The following KDM4A variants were observed in gnomAD, a reference collection of about 807,000 sequenced individuals.
KDM4A encodes the protein lysine demethylase 4A, also known as lysine-specific demethylase 4A.
Under a neutral mutation model 127.1 loss-of-function variants are expected in KDM4A, and 23 were observed. That is an observed-to-expected ratio of 0.18 (90% CI 0.13 to 0.26). The LOEUF is 0.26. Ranked by LOEUF, KDM4A falls within the 10% of genes least tolerant of loss-of-function variation. KDM4A has a pLI of 1.00. For synonymous variants in KDM4A, 443 were observed against 466.5 expected (o/e 0.95, Z 0.65); for missense variants, 890 against 1,329.1 (o/e 0.67, Z 5.14).
rs1453187297 is a variant in KDM4A, at chr1:43,671,710, T to A, written c.1569T>A (p.Ser523=). 1 of 1,613,610 alleles carries A rather than the reference T, an allele frequency of 6.2e-7. No individual in the cohort carries two copies. Among genetic ancestry groups the A allele is most frequent in the Non-Finnish European group, 8.5e-7 (1 of 1,179,842 alleles). Residue 523 remains serine (S), a synonymous_variant, in exon 11 of 22, where the codon TCT becomes TCA. Coordinates refer to ENST00000372396, the MANE Select transcript of KDM4A (RefSeq NM_014663.3). ...GSGSSRDSIS[S]DSETSEPLSC... is the part of the protein sequence containing the mutation. The stretch of plus-strand genomic sequence containing the variant: ...GCTCTTCACGGGATTCTATCTCTTC[T>A]GATTCAGAAACTAGTGAGCCTCTCT...
At chr1:43,670,852 T>A (rs1257918155) in intron 10 of KDM4A, among the ~76,000 whole-genome samples, 1 of 152,020 alleles carries the variant, frequency 6.6e-6, no homozygotes, top group African/African-American at 2.4e-5. Flanking sequence ...TGAGCCACCA[T>A]GCCTGGCCCA....
chr1:43,657,750 C>CT lies in KDM4A; in HGVS notation c.314+2002dup, dbSNP rs140666245. Among the ~76,000 whole-genome samples, 866 of 116,432 alleles carry CT rather than the reference C, an allele frequency of 7.4e-3. 14 individuals carry two copies. The highest frequency in any genetic ancestry group is 0.017 in the African/African-American group (453 of 26,714). 76.4% of individuals were successfully genotyped at this position (116,432 alleles called of 152,430 possible). ...CCTTTTTGTTAAGGCTTTTTCTTTT[C>CT]TTTTTTTTTTTTTTTTTTGAGATGG... On this transcript the variant is annotated intron_variant, in intron 3 of 21. Coordinates refer to ENST00000372396, the MANE Select transcript of KDM4A (RefSeq NM_014663.3).
intron 3 of KDM4A, among the ~76,000 whole-genome samples, chr1:43,657,976 T>C (rs1454322494): frequency 2.6e-5 from 4 of 151,338 alleles, no homozygotes; most frequent in Non-Finnish European, 4.4e-5. Context: ...CTTTTTCTTC[T>C]TTTAGCACAC....
chr1:43,704,037 C>T lies in KDM4A; in HGVS notation c.2979C>T (p.Gly993=). ...IQMYQVEFED[G]SQLVVKRDDV... Reference sequence around the variant, plus strand: ...CTTGGTAGGTGGAGTTTGAGGATGGCTCACAACTTGTGGTTAAGAGAGATG... The same window carrying T: ...CTTGGTAGGTGGAGTTTGAGGATGGTTCACAACTTGTGGTTAAGAGAGATG... The change falls in exon 21 of 22, where the codon GGC becomes GGT. Residue 993 remains glycine (G), a synonymous_variant. Coordinates refer to ENST00000372396, the MANE Select transcript of KDM4A (RefSeq NM_014663.3). The T allele has an allele frequency of 6.2e-7, 1 of 1,614,096 alleles. No individual in the cohort carries two copies. Among genetic ancestry groups the T allele is most frequent in the South Asian group, 1.1e-5 (1 of 91,080 alleles).
intron 1 of KDM4A, among the ~76,000 whole-genome samples, chr1:43,652,466 C>T (rs1660135655): frequency 6.6e-6 from 1 of 151,592 alleles, no homozygotes; most frequent in African/African-American, 2.4e-5. Context: ...TAAACAGAAC[C>T]TTTTCGATCT....
At position 43,694,169 on chromosome 1, in the gene KDM4A, C is replaced by G. The variant is rs939645910; in HGVS notation, c.2484+67C>G. On this transcript the variant is annotated intron_variant, in intron 17 of 21. Transcript: ENST00000372396. This position sits in a 1 kb window ranked among gnomAD's most constrained non-coding sequence, Gnocchi z 5.2. The stretch of plus-strand genomic sequence containing the variant: ...TTTCTGGGTAGAAGAGAACAGGGAC[C>G]TCCTGTACCCCTTGGTTTTGGTTAG... The G allele has an allele frequency of 2.1e-4, 265 of 1,234,476 alleles. No individual in the cohort carries two copies. The African/African-American group carries it at 3.8e-3, about 18-fold the overall frequency. The allele number at this position is 1,234,476 out of a possible 1,614,324, so 76.5% of individuals were successfully genotyped here.
At chr1:43,663,245 T>C (rs945307990) in intron 5 of KDM4A, among the ~76,000 whole-genome samples, 158 bp downstream of exon 5, 5 of 152,214 alleles carry the variant, frequency 3.3e-5, no homozygotes, top group African/African-American at 1.2e-4. Context: ...AGTGCTAAGA[T>C]GCTTGCTGTT....
At chr1:43,654,216 T>C (rs775709301) in intron 2 of KDM4A, among the ~76,000 whole-genome samples, 1 of 152,216 alleles carries the variant, frequency 6.6e-6, no homozygotes, top group Non-Finnish European at 1.5e-5. Context: ...CTTTATTAGA[T>C]TTAAAGTTAC....
In KDM4A at chr1:43,665,725, G is replaced by A. The variant is rs964749317; in HGVS notation, c.653G>A (p.Arg218Gln). The change falls in exon 6 of 22, where the codon CGG becomes CAG. Residue 218 changes from arginine to glutamine, a missense_variant. Around this residue, in one of 7 missense-constraint regions of KDM4A, gnomAD observed 141 missense variants for 273.5 expected, o/e 0.52. Coordinates refer to ENST00000372396, the MANE Select transcript of KDM4A (RefSeq NM_014663.3). Reference protein sequence around the residue: ...WYSVPPEHGKRLERLAKGFFP... With the variant: ...WYSVPPEHGKQLERLAKGFFP... ...TCTGTTCCACCTGAGCATGGAAAGCGGTTGGAACGCCTCGCCAAAGGTACT... is the reference window on the plus strand; with the variant it reads ...TCTGTTCCACCTGAGCATGGAAAGCAGTTGGAACGCCTCGCCAAAGGTACT... 1.7e-5 allele frequency: 28 copies of A among 1,613,956 alleles called. No individual in the cohort carries two copies. In the Admixed American group the frequency reaches 4.0e-4, roughly 23 times the overall value.
chr1:43,669,314 G>A lies in KDM4A; in HGVS notation c.1363+15G>A. 6.2e-7 allele frequency: 1 copy of A among 1,613,378 alleles called. No homozygotes were observed. The highest frequency in any genetic ancestry group is 1.1e-5 in the South Asian group (1 of 91,066). ...TACCTTCCCAGGTTAGTTGACTATGGTGTATTTTCCACAACCCTAACTCAT... is the reference window on the plus strand; with the variant it reads ...TACCTTCCCAGGTTAGTTGACTATGATGTATTTTCCACAACCCTAACTCAT... On this transcript the variant is annotated intron_variant, in intron 10 of 21. Transcript: ENST00000372396.
intron 1 of KDM4A, among the ~76,000 whole-genome samples, chr1:43,651,110 C>G (rs1343567138): frequency 1.3e-5 from 2 of 152,164 alleles, no homozygotes; most frequent in Admixed American, 6.5e-5. Context: ...CCATTAGGGC[C>G]CCTTTGAAGG....
intron 15 of KDM4A, 86 bp downstream of exon 15, chr1:43,691,658 C>T (rs555265100): frequency 8.6e-7 from 1 of 1,161,284 alleles, no homozygotes; most frequent in East Asian, 2.3e-5. Context: ...ACTCAGTATT[C>T]CCAGCAGTCT....
chr1:43,703,947 C>A, intron 20 of KDM4A, 73 bp from the exon 21 acceptor site: 2 of 1,387,010 alleles, frequency 1.4e-6, no homozygotes, highest in Non-Finnish European at 2.0e-6. Flanking sequence ...CTGTAGGGGA[C>A]TGCCACTGTG....
At chr1:43,662,166 T>C (rs1297459421) in intron 4 of KDM4A, among the ~76,000 whole-genome samples, 1 of 151,878 alleles carries the variant, frequency 6.6e-6, no homozygotes, top group East Asian at 1.9e-4. Flanking sequence ...TCCCAAAGTG[T>C]TGAGATTACA....
intron 11 of KDM4A, among the ~76,000 whole-genome samples, chr1:43,682,361 G>A (rs1010099903): frequency 4.6e-5 from 7 of 152,218 alleles, no homozygotes; most frequent in Admixed American, 1.3e-4. Flanking sequence ...AGGCTCCTGA[G>A]GTGCTTTCCG....
rs373296726 is a variant in KDM4A, at chr1:43,671,616, C to G, written c.1475C>G (p.Pro492Arg). The change falls in exon 11 of 22, where the codon CCT (proline) becomes CGT (arginine). Residue 492 changes from proline to arginine, a missense_variant. By Grantham distance (103) the Pro-to-Arg change is moderately radical. Around this residue, in one of 7 missense-constraint regions of KDM4A, gnomAD observed 389 missense variants for 485.9 expected, o/e 0.80. Coordinates refer to ENST00000372396, the MANE Select transcript of KDM4A (RefSeq NM_014663.3). ...GCTGCCTTGGATCTTTCTGTGAATC[C>G]TGCGTCTGTAGGGGGACGCCTTGTC... is the stretch of plus-strand genomic sequence containing the variant. Reference protein sequence around the residue: ...AAAALDLSVNPASVGGRLVFS... With the variant: ...AAAALDLSVNRASVGGRLVFS... The G allele has an allele frequency of 8.7e-6, 14 of 1,613,288 alleles. No homozygotes were observed. In the African/African-American group the frequency reaches 1.3e-4, roughly 15 times the overall value.
intron 2 of KDM4A, chr1:43,653,930 C>T (rs1477217694): frequency 6.6e-6 from 1 of 152,224 alleles, no homozygotes; most frequent in African/African-American, 2.4e-5. Context: ...AGGCAGGGAC[C>T]TCAGTCTAAG....
At chr1:43,651,719 C>T (rs889668400) in intron 1 of KDM4A, among the ~76,000 whole-genome samples, 6 of 152,156 alleles carry the variant, frequency 3.9e-5, no homozygotes, top group African/African-American at 7.2e-5. Flanking sequence ...CTAGAATGGC[C>T]TATTTTCATT....
chr1:43,696,992 T>C (rs1661255560), intron 18 of KDM4A, among the ~76,000 whole-genome samples: 1 of 152,154 alleles, frequency 6.6e-6, no homozygotes, highest in South Asian at 2.1e-4. Context: ...GTATAGCAGA[T>C]GGTGAGAAGT....
Sources: gnomAD v4.1 joint callset for allele counts (sites outside exome capture counted in the v4.1 genomes callset) on GRCh38, gnomAD v4.1.1 for gene constraint, gnomAD v4.1.1 regional missense constraint, Gnocchi (gnomAD v3.1) non-coding constraint, MANE v1.5 for transcripts, NCBI Gene and HGNC (gene_info 2026-07-23, HGNC 2026-07-21) for gene names.